Variants in NMT2 observed in about 807,000 individuals in gnomAD.
The protein encoded by NMT2 is N-myristoyltransferase 2, also known as glycylpeptide N-tetradecanoyltransferase 2.
In NMT2, 35 loss-of-function variants were observed where a neutral mutation model predicts 65.4. The ratio of observed to expected loss-of-function variants is 0.54; its 90% CI spans 0.41 to 0.71. The LOEUF (loss-of-function observed/expected upper bound fraction) is 0.71, where lower values mean the gene tolerates loss of function less well. Among genes scored for constraint, NMT2 ranks in the 30% least tolerant of loss-of-function variants. The pLI, the probability that NMT2 is intolerant of heterozygous loss-of-function variation, is 0.00. For synonymous variants in NMT2, 226 were observed against 231.8 expected, an observed-to-expected ratio of 0.98 and a Z score of 0.23; for missense variants, 489 against 611.3, an observed-to-expected ratio of 0.80 and a Z score of 2.11.
At position 15,108,354 on chromosome 10, in the gene NMT2, T is replaced by C. The variant is rs1845382976; in HGVS notation, c.*841A>G. ...GGCACACGCCACCACGCCCGGCTAA[T>C]TTTTGTATTTTTAGTAGAGATGGGG... On this transcript the variant is annotated 3_prime_UTR_variant, in exon 12 of 12. Coordinates refer to ENST00000378165, the MANE Select transcript of NMT2 (RefSeq NM_004808.3). 6 of 483,438 alleles carry C rather than the reference T, an allele frequency of 1.2e-5. No homozygotes were observed. The South Asian group carries it at 4.5e-4, about 36-fold the overall frequency. 29.9% of individuals were successfully genotyped at this position (483,438 alleles called of 1,614,324 possible).
At chr10:15,154,839 C>A in intron 1 of NMT2, 1 of 778,318 alleles carries the variant, frequency 1.3e-6, no homozygotes, top group Non-Finnish European at 2.3e-6. Context: ...CTTCTTCCTG[C>A]TCTTGCCATT....
intron 8 of NMT2, among the ~76,000 whole-genome samples, chr10:15,124,186 G>A (rs1408811104): frequency 2.6e-5 from 4 of 152,032 alleles, no homozygotes; most frequent in Admixed American, 6.6e-5. Context: ...ACACAGATGC[G>A]CAAAATCGAA....
At chr10:15,161,089 A>C (rs1188708480) in intron 1 of NMT2, among the ~76,000 whole-genome samples, 6 of 146,274 alleles carry the variant, frequency 4.1e-5, no homozygotes, top group African/African-American at 1.5e-4. Flanking sequence ...ATCAAAAAAA[A>C]AAAAAAAAAA....
In NMT2 at chr10:15,108,842, T is replaced by C. The variant is rs1845407992; in HGVS notation, c.*353A>G. 6.6e-6 allele frequency: 7 copies of C among 1,063,246 alleles called. No homozygotes were observed. Among genetic ancestry groups the C allele is most frequent in the Non-Finnish European group, 7.9e-6 (7 of 880,794 alleles). The allele number at this position is 1,063,246 out of a possible 1,614,324, so 65.9% of individuals were successfully genotyped here. A position where few individuals can be genotyped will look rare whatever the true frequency, so the allele number is the denominator to read the frequency against. ...ATTTCTCTCCACACAATAGCAAAGA[T>C]TTTCTTACATGACTCTGTAACTTCT... is the stretch of plus-strand genomic sequence containing the variant. On this transcript the variant is annotated 3_prime_UTR_variant, in exon 12 of 12. Transcript: ENST00000378165.
intron 9 of NMT2, among the ~76,000 whole-genome samples, chr10:15,113,922 G>A (rs1589291896): frequency 6.6e-6 from 1 of 152,164 alleles, no homozygotes; most frequent in Non-Finnish European, 1.5e-5. Context: ...AATTAGCTGT[G>A]GTGGCCTTGC....
chr10:15,146,536 TG>T (rs1312815277), intron 1 of NMT2, among the ~76,000 whole-genome samples: 3 of 152,194 alleles, frequency 2.0e-5, no homozygotes, highest in African/African-American at 7.2e-5. Flanking sequence ...GAAACCCCTA[TG>T]GGTGGCTTCT....
At chr10:15,150,809 T>C (rs1404894674) in intron 1 of NMT2, among the ~76,000 whole-genome samples, 1 of 152,184 alleles carries the variant, frequency 6.6e-6, no homozygotes, top group Non-Finnish European at 1.5e-5. Flanking sequence ...AGAGGATGCC[T>C]AGCTCTAGAC....
intron 8 of NMT2, among the ~76,000 whole-genome samples, chr10:15,121,435 T>A (rs1317726880): frequency 6.6e-6 from 1 of 152,154 alleles, no homozygotes; most frequent in East Asian, 1.9e-4. Context: ...TGGTGCGATC[T>A]CGGTTCACTG....
At chr10:15,123,531 GAAAAA>G (rs775699014) in intron 8 of NMT2, among the ~76,000 whole-genome samples, 930 of 52,528 alleles carry the variant, frequency 0.018, 7 homozygotes, top group African/African-American at 0.052. Flanking sequence ...TCGTCTCACA[GAAAAA>G]AAAAAAAAAA....
At chr10:15,155,407 C>T (rs1588454725) in intron 1 of NMT2, 3 of 584,012 alleles carry the variant, frequency 5.1e-6, no homozygotes, top group East Asian at 6.3e-5. Context: ...CTCACTCTGT[C>T]ATCCAGGCTG....
rs757302823 is a variant in NMT2, at chr10:15,112,840, G to C, written c.1294C>G (p.Pro432Ala). Reference sequence around the variant, plus strand: ...GCGTCGCTCATGAGGTCCAGCAGGGGCGTCTCTGTGTGGATGTTGTAGAAT... The same window carrying C: ...GCGTCGCTCATGAGGTCCAGCAGGGCCGTCTCTGTGTGGATGTTGTAGAAT... The part of the protein sequence containing the change: ...YSFYNIHTET[P>A]LLDLMSDALI... The change falls in exon 10 of 12, where the codon CCC (proline) becomes GCC (alanine). Residue 432 changes from proline to alanine, a missense_variant. Pro to Ala is a conservative substitution (Grantham distance 27). Transcript: ENST00000378165. 17 of 1,614,014 alleles carry C rather than the reference G, an allele frequency of 1.1e-5. No homozygotes were observed. The African/African-American group carries it at 2.1e-4, about 20-fold the overall frequency.
rs189878685 is a variant in NMT2, at chr10:15,108,486, C to A, written c.*709G>T. On this transcript the variant is annotated 3_prime_UTR_variant, in exon 12 of 12. Coordinates refer to ENST00000378165, the MANE Select transcript of NMT2 (RefSeq NM_004808.3). ...AGGCGTGAGCCACCACGCCCGGCCT[C>A]AGGCTCTTTCAGAGAGCACAGTGAG... is the stretch of plus-strand genomic sequence containing the variant. The A allele has an allele frequency of 2.9e-5, 29 of 985,498 alleles. No homozygotes were observed. The African/African-American group carries it at 5.1e-4, about 17-fold the overall frequency. The allele number at this position is 985,498 out of a possible 1,614,324, so 61.0% of individuals were successfully genotyped here.
intron 8 of NMT2, among the ~76,000 whole-genome samples, chr10:15,121,941 G>C (rs1845943336): frequency 6.6e-6 from 1 of 152,086 alleles, no homozygotes; most frequent in African/African-American, 2.4e-5. Flanking sequence ...ACATTTAACA[G>C]GCAATGCATA....
At chr10:15,123,523 G>A (rs1441431263) in intron 8 of NMT2, among the ~76,000 whole-genome samples, 52 of 114,140 alleles carry the variant, frequency 4.6e-4, no homozygotes, top group African/African-American at 1.2e-3. Flanking sequence ...GCGAGACTTC[G>A]TCTCACAGAA....
intron 1 of NMT2, chr10:15,154,924 C>T (rs1222157497): frequency 2.1e-6 from 2 of 973,476 alleles, no homozygotes; most frequent in Non-Finnish European, 3.3e-6. Context: ...ACATGCTTGC[C>T]ATCCAACCAC....
chr10:15,120,062 G>T (rs73604518), intron 8 of NMT2, among the ~76,000 whole-genome samples: 8 of 152,080 alleles, frequency 5.3e-5, no homozygotes, highest in African/African-American at 1.9e-4. Flanking sequence ...GATCATGTAC[G>T]GACTTTTTTT....
intron 1 of NMT2, 106 bp downstream of exon 1, chr10:15,168,397 G>C: frequency 1.2e-6 from 1 of 809,948 alleles, no homozygotes; most frequent in Non-Finnish European, 2.0e-6. Flanking sequence ...TCGCGGGGCG[G>C]AGCGGCCGAA....
chr10:15,121,301 G>T (rs73604527), intron 8 of NMT2, among the ~76,000 whole-genome samples: 2,162 of 152,208 alleles, frequency 0.014, 54 homozygotes, highest in African/African-American at 0.05. Flanking sequence ...ATTGTTAAAG[G>T]AAAAACTTCC....
chr10:15,109,112 ATTC>A lies in NMT2; in HGVS notation c.*80_*82del, dbSNP rs1313491574. On this transcript the variant is annotated 3_prime_UTR_variant, in exon 12 of 12. Coordinates refer to ENST00000378165, the MANE Select transcript of NMT2 (RefSeq NM_004808.3). ...TCAATTTCACTTGAGTTGTGCTTTT[ATTC>A]TTCTTTGGAATGGCAGTTCCAGAAA... 15 of 1,570,662 alleles carry A rather than the reference ATTC, an allele frequency of 9.6e-6. No homozygotes were observed. The highest frequency in any genetic ancestry group is 4.1e-5 in the African/African-American group (3 of 72,330).
Sources: allele counts gnomAD v4.1 joint callset (sites outside exome capture counted in the v4.1 genomes callset), GRCh38; gene constraint gnomAD v4.1.1; transcripts MANE v1.5; gene names NCBI Gene and HGNC (gene_info 2026-07-23, HGNC 2026-07-21).